The following USH2A variants were observed in gnomAD, a reference collection of about 807,000 sequenced individuals.
The protein encoded by USH2A is Usher syndrome 2A (autosomal recessive, mild).
In USH2A, 443 loss-of-function variants were observed where a neutral mutation model predicts 538.9. The observed-to-expected ratio is 0.82, with a 90% CI of 0.76 to 0.89. USH2A has a LOEUF of 0.89. Ranked by LOEUF, USH2A falls within the 40% of genes least tolerant of loss-of-function variation. The probability of loss-of-function intolerance (pLI) is 0.00; values close to 1 mark genes in which losing one functional copy is unlikely to be tolerated. For missense variants in USH2A, 6,633 were observed against 6,324.8 expected (o/e 1.05, Z -1.65); for synonymous variants, 2,413 against 2,273.5 (o/e 1.06, Z -1.75).
intron 35 of USH2A, among the ~76,000 whole-genome samples, chr1:215,982,544 A>T (rs533380860): frequency 9.2e-5 from 14 of 152,208 alleles, no homozygotes; most frequent in Non-Finnish European, 1.6e-4. Flanking sequence ...CTATCTTTTC[A>T]TTTAAAATTC....
At chr1:216,254,772 T>G (rs1416483654) in intron 11 of USH2A, among the ~76,000 whole-genome samples, 1 of 152,150 alleles carries the variant, frequency 6.6e-6, no homozygotes. Context: ...AGCTAGCTAA[T>G]CACAGACAAA....
chr1:215,905,937 T>C (rs1571800292), intron 38 of USH2A, among the ~76,000 whole-genome samples: 1 of 152,088 alleles, frequency 6.6e-6, no homozygotes, highest in African/African-American at 2.4e-5. Context: ...TTCAAAATCC[T>C]TGGATTACAC....
chr1:215,674,683 G>C lies in USH2A; in HGVS notation c.13228C>G (p.His4410Asp). The change falls in exon 63 of 72, where the codon CAC (histidine) becomes GAC (aspartate). Residue 4410 changes from histidine (H) to aspartate (D), a missense_variant. Physicochemically the swap from His to Asp is moderately conservative, Grantham distance 81. Coordinates refer to ENST00000307340, the MANE Select transcript of USH2A (RefSeq NM_206933.4). ...AGQGLCLLVSHLQPYSQYNFS... is the reference protein window; with the variant it reads ...AGQGLCLLVSDLQPYSQYNFS... Reference sequence around the variant, plus strand: ...TTATACTGAGAGTAAGGCTGCAGGTGGGAAACCAGCAGGCACAGGCCCTGG... The same window carrying C: ...TTATACTGAGAGTAAGGCTGCAGGTCGGAAACCAGCAGGCACAGGCCCTGG... The C allele has an allele frequency of 6.2e-7, 1 of 1,614,034 alleles. No homozygotes were observed. The highest frequency in any genetic ancestry group is 1.1e-5 in the South Asian group (1 of 91,076).
At position 216,418,587 on chromosome 1, in the gene USH2A, C is replaced by T. The variant is rs1314777470; in HGVS notation, c.578G>A (p.Gly193Asp). 6.2e-7 allele frequency: 1 copy of T among 1,613,348 alleles called. No individual in the cohort carries two copies. Among genetic ancestry groups the T allele is most frequent in the Non-Finnish European group, 8.5e-7 (1 of 1,179,578 alleles). The part of the protein sequence containing the change: ...ETMFYYRTVN[G>D]LQPPIKVMTL... ...CATTACTTTTATTGGAGGTTGCAAACCATTTACTGTGCGATAATAAAACAT... is the reference window on the plus strand; with the variant it reads ...CATTACTTTTATTGGAGGTTGCAAATCATTTACTGTGCGATAATAAAACAT... The change falls in exon 3 of 72, where the codon GGT becomes GAT. Residue 193 changes from glycine (G) to aspartate (D), a missense_variant. Physicochemically the swap from Gly to Asp is moderately conservative, Grantham distance 94. Transcript: ENST00000307340.
At chr1:216,113,484 C>T (rs1201388029) in intron 21 of USH2A, among the ~76,000 whole-genome samples, 1 of 152,134 alleles carries the variant, frequency 6.6e-6, no homozygotes, top group African/African-American at 2.4e-5. Flanking sequence ...CTGAAAGACG[C>T]CAACTAGTAT....
At chr1:215,892,143 G>A (rs544940065) in intron 40 of USH2A, among the ~76,000 whole-genome samples, 5 of 152,146 alleles carry the variant, frequency 3.3e-5, no homozygotes, top group South Asian at 4.2e-4. Flanking sequence ...GGGTGTGTGC[G>A]CACACACTTG....
At chr1:215,709,354 T>C (rs938702610) in intron 61 of USH2A, among the ~76,000 whole-genome samples, 61 of 152,310 alleles carry the variant, frequency 4.0e-4, no homozygotes, top group African/African-American at 1.3e-3. Context: ...TAAGTAAATA[T>C]ACATATTATG....
Position 215,782,952 on chromosome 1 carries a change from TAGAC to T in USH2A, c.10388-21_10388-18del. ...GGTTCACATCTGGAAAGAGAAAAAATAGACAGGGAAGTTTCTCTTATTTTCATTT... is the reference window on the plus strand; with the variant it reads ...GGTTCACATCTGGAAAGAGAAAAAATAGGGAAGTTTCTCTTATTTTCATTT... On this transcript the variant is annotated intron_variant, in intron 52 of 71. Coordinates refer to ENST00000307340, the MANE Select transcript of USH2A (RefSeq NM_206933.4). 6.2e-7 allele frequency: 1 copy of T among 1,608,744 alleles called. No homozygotes were observed.
At chr1:216,125,451 A>C (rs543605413) in intron 21 of USH2A, among the ~76,000 whole-genome samples, 4 of 152,204 alleles carry the variant, frequency 2.6e-5, no homozygotes, top group Admixed American at 2.0e-4. Context: ...AGATGCATGC[A>C]TAAAGAAAAT....
At chr1:216,008,293 G>C (rs1261246834) in intron 32 of USH2A, among the ~76,000 whole-genome samples, 1 of 151,952 alleles carries the variant, frequency 6.6e-6, no homozygotes, top group Non-Finnish European at 1.5e-5. Flanking sequence ...ACATTGTCTT[G>C]TGAAATTCCT....
intron 21 of USH2A, among the ~76,000 whole-genome samples, chr1:216,138,463 G>C (rs144403729): frequency 1.0e-3 from 157 of 152,312 alleles, no homozygotes; most frequent in African/African-American, 3.7e-3. Flanking sequence ...TTTCATGGGT[G>C]ATAAGCTTCA....
intron 37 of USH2A, among the ~76,000 whole-genome samples, chr1:215,960,877 G>T (rs1667180581): frequency 6.6e-6 from 1 of 151,994 alleles, no homozygotes; most frequent in African/African-American, 2.4e-5. Context: ...TGTTCCACTT[G>T]TCACACCATC....
chr1:216,123,573 C>A (rs1000245100), intron 21 of USH2A, among the ~76,000 whole-genome samples: 1 of 130,274 alleles, frequency 7.7e-6, no homozygotes, highest in Non-Finnish European at 1.7e-5. Context: ...TGCTCATAAG[C>A]TTTTCCCTTT....
At chr1:215,693,722 C>T (rs994369909) in intron 61 of USH2A, among the ~76,000 whole-genome samples, 4 of 152,164 alleles carry the variant, frequency 2.6e-5, no homozygotes, top group Admixed American at 2.6e-4. Flanking sequence ...CATCCTCATA[C>T]ATCATGGAGC....
At chr1:215,832,192 T>C (rs1276287800) in intron 47 of USH2A, among the ~76,000 whole-genome samples, 1 of 151,904 alleles carries the variant, frequency 6.6e-6, no homozygotes, top group Non-Finnish European at 1.5e-5. Context: ...TGGGTTTCAC[T>C]GGTGAATTTT....
chr1:216,128,145 C>T (rs1433383715), intron 21 of USH2A, among the ~76,000 whole-genome samples: 1 of 152,056 alleles, frequency 6.6e-6, no homozygotes, highest in Non-Finnish European at 1.5e-5. Context: ...TAAAAAATTA[C>T]AATTGTATTC....
intron 29 of USH2A, among the ~76,000 whole-genome samples, chr1:216,070,845 T>TG (rs201402672): frequency 0.015 from 2,062 of 137,210 alleles, 32 homozygotes; most frequent in Non-Finnish European, 0.021. Flanking sequence ...TATTCTTAGT[T>TG]GCAGTTTTTG....
Position 215,675,405 on chromosome 1 carries a change from G to A in USH2A, c.12506C>T (p.Thr4169Ile). 6.2e-7 allele frequency: 1 copy of A among 1,614,092 alleles called. No homozygotes were observed. The highest frequency in any genetic ancestry group is 1.1e-5 in the South Asian group (1 of 91,082). The change falls in exon 63 of 72, where the codon ACC (threonine) becomes ATC (isoleucine). Residue 4169 changes from threonine (T) to isoleucine (I), a missense_variant. Physicochemically the swap from Thr to Ile is moderately conservative, Grantham distance 89. Coordinates refer to ENST00000307340, the MANE Select transcript of USH2A (RefSeq NM_206933.4). Reference sequence around the variant, plus strand: ...CTCAGACCAGCTCAGCTCAACACTGGTGGACTTCACAGAGTGGACAGTAGG... The same window carrying A: ...CTCAGACCAGCTCAGCTCAACACTGATGGACTTCACAGAGTGGACAGTAGG... ...LAPTVHSVKS[T>I]SVELSWSEPV... is the part of the protein sequence containing the mutation.
chr1:216,411,497 G>A (rs1208011194), intron 3 of USH2A, among the ~76,000 whole-genome samples: 1 of 152,148 alleles, frequency 6.6e-6, no homozygotes, highest in Non-Finnish European at 1.5e-5. Context: ...TATAAGAAGA[G>A]AAGACACACA....
Sources: allele counts gnomAD v4.1 joint callset (sites outside exome capture counted in the v4.1 genomes callset), GRCh38; gene constraint gnomAD v4.1.1; transcripts MANE v1.5; gene names NCBI Gene and HGNC (gene_info 2026-07-23, HGNC 2026-07-21).